EPHB1: variants seen among roughly 807,000 people sequenced by gnomAD.
EPHB1 encodes ephrin type-B receptor 1.
A neutral mutation model predicts 94.4 loss-of-function variants in EPHB1; 30 were observed. The ratio of observed to expected loss-of-function variants is 0.32; its 90% CI spans 0.24 to 0.43. The LOEUF (loss-of-function observed/expected upper bound fraction) is 0.43, where lower values mean the gene tolerates loss of function less well. Ranked by LOEUF, EPHB1 falls within the 20% of genes least tolerant of loss-of-function variation. EPHB1 has a pLI of 1.00. For missense variants in EPHB1, 1,055 were observed against 1,308.3 expected, an observed-to-expected ratio of 0.81 and a Z score of 2.99; for synonymous variants, 522 against 489.1, an observed-to-expected ratio of 1.07 and a Z score of -0.89.
chr3:135,141,239 C>G (rs1312423276), intron 5 of EPHB1, among the ~76,000 whole-genome samples: 1 of 151,756 alleles, frequency 6.6e-6, no homozygotes, highest in African/African-American at 2.4e-5. Flanking sequence ...GTCATGCCCC[C>G]TAAGAGCGCA....
intron 1 of EPHB1, among the ~76,000 whole-genome samples, chr3:134,797,734 C>G (rs1295369028): frequency 1.3e-5 from 2 of 152,178 alleles, no homozygotes; most frequent in African/African-American, 2.4e-5. Context: ...CCACTTACCC[C>G]CGGTGCGGTG....
intron 1 of EPHB1, among the ~76,000 whole-genome samples, chr3:134,817,039 C>A (rs753639722): frequency 6.6e-6 from 1 of 152,008 alleles, no homozygotes; most frequent in Non-Finnish European, 1.5e-5. Flanking sequence ...AAGGGAGGAA[C>A]AGGGACTAGG....
At chr3:135,072,722 C>G (rs552094113) in intron 3 of EPHB1, among the ~76,000 whole-genome samples, 1 of 152,354 alleles carries the variant, frequency 6.6e-6, no homozygotes, top group East Asian at 1.9e-4. Flanking sequence ...GCCCTCTCTT[C>G]TCCATCTTTG....
Position 135,192,736 on chromosome 3 carries a change from T to A in EPHB1, c.2043T>A (p.Ile681=). The change falls in exon 11 of 16, where the codon ATT becomes ATA. Residue 681 remains isoleucine (I), a synonymous_variant. Coordinates refer to ENST00000398015, the MANE Select transcript of EPHB1 (RefSeq NM_004441.5). ...IMGQFDHPNI[I]RLEGVVTKSR... is the part of the protein sequence containing the mutation. ...GCCAGTTCGACCATCCTAACATCAT[T>A]CGCCTGGAGGGTGTGGTCACCAAGA... The A allele has an allele frequency of 1.2e-6, 2 of 1,614,140 alleles. No individual in the cohort carries two copies. Among genetic ancestry groups the A allele is most frequent in the Non-Finnish European group, 1.7e-6 (2 of 1,180,024 alleles).
chr3:134,954,314 T>C (rs964950927), intron 3 of EPHB1, among the ~76,000 whole-genome samples: 1 of 152,254 alleles, frequency 6.6e-6, no homozygotes, highest in Middle Eastern at 3.4e-3. Context: ...GACTCTGCAC[T>C]CTTTGGTGGG....
intron 2 of EPHB1, among the ~76,000 whole-genome samples, chr3:134,929,925 C>G (rs974467095): frequency 1.2e-4 from 18 of 152,164 alleles, no homozygotes; most frequent in African/African-American, 4.3e-4. Flanking sequence ...GAGAGATGGA[C>G]TGTCAGCCCA....
chr3:135,201,367 G>GGC, intron 11 of EPHB1, 107 bp from the exon 12 acceptor site: 1 of 1,090,024 alleles, frequency 9.2e-7, no homozygotes, highest in East Asian at 2.4e-5. Flanking sequence ...TGAGTGGCTT[G>GGC]GCCTGGAGCA....
At chr3:135,099,747 C>A (rs1234181983) in intron 3 of EPHB1, among the ~76,000 whole-genome samples, 1 of 152,212 alleles carries the variant, frequency 6.6e-6, no homozygotes, top group Non-Finnish European at 1.5e-5. Context: ...GTTTGCATGA[C>A]CCACAGGAAT....
At chr3:134,907,417 CAT>C (rs2038355693) in intron 1 of EPHB1, among the ~76,000 whole-genome samples, 2 of 152,142 alleles carry the variant, frequency 1.3e-5, no homozygotes, top group African/African-American at 4.8e-5. Context: ...CTTGGTGAAA[CAT>C]AAAGAAAACA....
chr3:135,089,487 G>A (rs990484055), intron 3 of EPHB1, among the ~76,000 whole-genome samples: 9 of 152,334 alleles, frequency 5.9e-5, no homozygotes, highest in Middle Eastern at 3.4e-3. Context: ...ATTTTAACAC[G>A]TGGTGGGTAG....
At chr3:135,037,796 T>C (rs1936693737) in intron 3 of EPHB1, among the ~76,000 whole-genome samples, 1 of 152,150 alleles carries the variant, frequency 6.6e-6, no homozygotes, top group East Asian at 1.9e-4. Flanking sequence ...CTGCATTGAG[T>C]GGGTACAATT....
At chr3:135,017,079 C>T (rs1349976834) in intron 3 of EPHB1, among the ~76,000 whole-genome samples, 5 of 152,200 alleles carry the variant, frequency 3.3e-5, no homozygotes, top group Non-Finnish European at 7.3e-5. Flanking sequence ...AATGAAAATA[C>T]GTGATGCTTA....
intron 1 of EPHB1, among the ~76,000 whole-genome samples, chr3:134,864,059 G>A (rs1166377612): frequency 2.0e-5 from 3 of 152,152 alleles, no homozygotes; most frequent in Non-Finnish European, 4.4e-5. Context: ...GGAAAGTAGC[G>A]CATCCTGTCC....
intron 15 of EPHB1, among the ~76,000 whole-genome samples, chr3:135,257,873 G>A (rs539517052): frequency 6.6e-6 from 1 of 152,102 alleles, no homozygotes; most frequent in Non-Finnish European, 1.5e-5. Context: ...AGACTCCGTG[G>A]GCATAGGACC....
chr3:135,139,660 CTGAT>C (rs762981870), intron 5 of EPHB1, among the ~76,000 whole-genome samples: 7 of 152,156 alleles, frequency 4.6e-5, no homozygotes, highest in Non-Finnish European at 1.0e-4. Flanking sequence ...AAGCAGGTGA[CTGAT>C]TGGGAAGTGA....
At chr3:134,902,834 G>T (rs1273161702) in intron 1 of EPHB1, among the ~76,000 whole-genome samples, 1 of 152,198 alleles carries the variant, frequency 6.6e-6, no homozygotes, top group African/African-American at 2.4e-5. Context: ...ATGCTTTAAG[G>T]TATCAGAGTG....
At chr3:134,855,883 A>G (rs2108301683) in intron 1 of EPHB1, among the ~76,000 whole-genome samples, 2 of 152,312 alleles carry the variant, frequency 1.3e-5, no homozygotes, top group African/African-American at 4.8e-5. Flanking sequence ...ATCTGCAAGC[A>G]GCCCTATGGG....
intron 1 of EPHB1, among the ~76,000 whole-genome samples, chr3:134,862,766 CT>C (rs1352958229): frequency 7.9e-5 from 12 of 152,244 alleles, no homozygotes; most frequent in Admixed American, 7.2e-4. Flanking sequence ...CAAGACATCC[CT>C]TTTGCTGTGT....
chr3:134,841,723 C>T (rs912577043), intron 1 of EPHB1, among the ~76,000 whole-genome samples: 1 of 152,124 alleles, frequency 6.6e-6, no homozygotes, highest in African/African-American at 2.4e-5. Context: ...CTTAAGGAAA[C>T]GTGTCCTCAG....
Sources: allele counts gnomAD v4.1 joint callset (sites outside exome capture counted in the v4.1 genomes callset), GRCh38; gene constraint gnomAD v4.1.1; transcripts MANE v1.5; gene names NCBI Gene and HGNC (gene_info 2026-07-23, HGNC 2026-07-21).